TDRD12: variants seen among roughly 807,000 people sequenced by gnomAD.
TDRD12 encodes the protein tudor domain containing 12, also known as putative ATP-dependent RNA helicase TDRD12.
TDRD12 carries 158 observed loss-of-function variants against 133.5 expected under a neutral mutation model. That is an observed-to-expected ratio of 1.18 (90% CI 1.04 to 1.35). The LOEUF (loss-of-function observed/expected upper bound fraction) is 1.35, where lower values mean the gene tolerates loss of function less well. Ranked by LOEUF, TDRD12 falls within the 40% of genes most tolerant of loss-of-function variation. TDRD12 has a pLI of 0.00. For synonymous variants in TDRD12, 460 were observed against 477.9 expected, an observed-to-expected ratio of 0.96 and a Z score of 0.49; for missense variants, 1,443 against 1,321.3, an observed-to-expected ratio of 1.09 and a Z score of -1.43.
At chr19:32,822,789 G>A (rs1207926951), downstream of TDRD12, among the ~76,000 whole-genome samples, 1 of 151,900 alleles carries the variant, frequency 6.6e-6, no homozygotes, top group African/African-American at 2.4e-5. Flanking sequence ...GCCCCTTGTG[G>A]AAGGAGAATT....
At chr19:32,817,688 C>G (rs1293397862) in intron 26 of TDRD12, among the ~76,000 whole-genome samples, 2 of 151,666 alleles carry the variant, frequency 1.3e-5, no homozygotes, top group African/African-American at 4.8e-5. Context: ...CATCCAGGTT[C>G]CGCAGCAGCT....
intron 27 of TDRD12, among the ~76,000 whole-genome samples, 199 bp from the exon 28 acceptor site, chr19:32,820,834 G>A (rs1270500836): frequency 6.6e-6 from 1 of 152,182 alleles, no homozygotes; most frequent in East Asian, 1.9e-4. Flanking sequence ...TGTCAGTCAT[G>A]CACTGTGTGC....
chr19:32,726,593 C>T (rs544034817), intron 1 of TDRD12, among the ~76,000 whole-genome samples: 2 of 152,138 alleles, frequency 1.3e-5, no homozygotes, highest in East Asian at 3.9e-4. Flanking sequence ...TCAGAATTTC[C>T]TTTCTTTTGA....
downstream of TDRD12, chr19:32,821,355 G>T: frequency 3.5e-6 from 2 of 566,824 alleles, no homozygotes; most frequent in South Asian, 2.1e-5. Context: ...GATGTTAAGT[G>T]AACAGCTCAG....
chr19:32,789,278 T>C (rs1970999861), intron 11 of TDRD12, among the ~76,000 whole-genome samples: 1 of 152,248 alleles, frequency 6.6e-6, no homozygotes, highest in Non-Finnish European at 1.5e-5. Context: ...TCCAACATTC[T>C]GTTCTGGAAT....
chr19:32,780,944 CT>C (rs11383637), intron 11 of TDRD12, among the ~76,000 whole-genome samples: 123 of 126,738 alleles, frequency 9.7e-4, no homozygotes, highest in South Asian at 1.8e-3. Context: ...TTTAATCTAT[CT>C]TTTTTTTTTT....
rs369714751 is a variant in TDRD12 at position 32,724,925 on chromosome 19, G to A, written c.24+4829G>A. Among the ~76,000 whole-genome samples, 5 of 152,258 alleles carry A rather than the reference G, an allele frequency of 3.3e-5. No homozygotes were observed. In the South Asian group the frequency reaches 8.3e-4, roughly 25 times the overall value. On this transcript the variant is annotated intron_variant, in intron 1 of 27. Transcript: ENST00000444215. ...TTGCCATTCTGACTGGCATGAGATG[G>A]TATCTCATTGTGGTTTTGATTTGCA...
chr19:32,754,775 C>T lies in TDRD12; in HGVS notation c.583-1217C>T, dbSNP rs536259727. 1.5e-4 allele frequency among the ~76,000 whole-genome samples: 23 copies of T among 149,146 alleles called. 1 individual carries two copies. The South Asian group carries it at 4.9e-3, about 32-fold the overall frequency. ...CACCGCAACCTCTGCCTCCTGGGTT[C>T]CAGTAATTATCCAGCCTCAGCCTTC... is the stretch of plus-strand genomic sequence containing the variant. On this transcript the variant is annotated intron_variant, in intron 6 of 27. Coordinates refer to ENST00000444215, the Ensembl canonical transcript of TDRD12.
chr19:32,731,670 G>A (rs985853941), intron 1 of TDRD12, 55 bp from the exon 2 acceptor site: 1 of 1,408,506 alleles, frequency 7.1e-7, no homozygotes, highest in Non-Finnish European at 9.3e-7. Context: ...AGTTTATTTT[G>A]TGGTACTACT....
Position 32,794,482 on chromosome 19 carries a change from G to C in TDRD12, c.1288-146G>C, listed in dbSNP as rs1971165527. 2.0e-5 allele frequency: 12 copies of C among 597,134 alleles called. No homozygotes were observed. The South Asian group carries it at 2.3e-4, about 11-fold the overall frequency. The allele number at this position is 597,134 out of a possible 1,614,324, so 37.0% of individuals were successfully genotyped here. On this transcript the variant is annotated intron_variant, in intron 13 of 27. Coordinates refer to ENST00000444215, the Ensembl canonical transcript of TDRD12. Reference sequence around the variant, plus strand: ...TAATAGGAGGTTGGTACTGAGAAAAGATTTGGGGAAACTTAACAAGTTAGG... The same window carrying C: ...TAATAGGAGGTTGGTACTGAGAAAACATTTGGGGAAACTTAACAAGTTAGG...
intron 1 of TDRD12, among the ~76,000 whole-genome samples, 182 bp from the exon 2 acceptor site, chr19:32,731,540 GAAT>G (rs1287430001): frequency 1.3e-5 from 2 of 152,150 alleles, no homozygotes; most frequent in African/African-American, 4.8e-5. Flanking sequence ...ACATAATTGA[GAAT>G]TACATACTGT....
At chr19:32,762,309 T>G (rs1247101894) in intron 8 of TDRD12, among the ~76,000 whole-genome samples, 1 of 152,190 alleles carries the variant, frequency 6.6e-6, no homozygotes, top group Admixed American at 6.5e-5. Context: ...TCTAGGAGTT[T>G]TGTATTTTGC....
chr19:32,779,970 C>A (rs920929926), intron 11 of TDRD12, among the ~76,000 whole-genome samples: 2 of 152,126 alleles, frequency 1.3e-5, no homozygotes, highest in Admixed American at 1.3e-4. Context: ...CTGTGATATT[C>A]ATTCTTTATT....
exon 3 of TDRD12, chr19:32,738,951 C>T (rs1037250670): frequency 1.9e-6 from 3 of 1,550,814 alleles, no homozygotes; most frequent in African/African-American, 2.7e-5. Flanking sequence ...CAGAATGTTT[C>T]CTTGTGGACT....
chr19:32,745,641 G>A (rs1403707710), intron 4 of TDRD12, among the ~76,000 whole-genome samples: 1 of 152,140 alleles, frequency 6.6e-6, no homozygotes, highest in Non-Finnish European at 1.5e-5. Context: ...GAGAGAGAGA[G>A]AATGGCTGAT....
chr19:32,738,749 A>G (rs1969300543), intron 2 of TDRD12, 107 bp from the exon 3 acceptor site: 1 of 1,199,586 alleles, frequency 8.3e-7, no homozygotes, highest in Non-Finnish European at 1.1e-6. Context: ...GGAGGTGGAG[A>G]TTGCAGTGAG....
intron 16 of TDRD12, among the ~76,000 whole-genome samples, chr19:32,799,878 G>T (rs550442148): frequency 3.3e-5 from 5 of 151,564 alleles, no homozygotes; most frequent in Non-Finnish European, 5.9e-5. Flanking sequence ...GGGATTACAG[G>T]TGCACACCAC....
chr19:32,797,924 A>ATTCT lies in TDRD12; in HGVS notation c.1630+33_1630+34insTTCT. ...TCCTTTTCAAGCGGCTATAAAAGTTAAAGTATCCTTTTCACTGTCTTCCCT... is the reference window on the plus strand; with the variant it reads ...TCCTTTTCAAGCGGCTATAAAAGTTATTCTAAGTATCCTTTTCACTGTCTTCCCT... On this transcript the variant is annotated intron_variant, in intron 15 of 27. Coordinates refer to ENST00000444215, the Ensembl canonical transcript of TDRD12. The ATTCT allele has an allele frequency of 4.5e-6, 3 of 667,468 alleles. No individual in the cohort carries two copies. In the South Asian group the frequency reaches 4.9e-5, roughly 11 times the overall value. 41.3% of individuals were successfully genotyped at this position (667,468 alleles called of 1,614,324 possible).
intron 13 of TDRD12, among the ~76,000 whole-genome samples, chr19:32,792,958 C>T (rs554132646): frequency 1.3e-4 from 20 of 152,204 alleles, no homozygotes; most frequent in Admixed American, 1.1e-3. Context: ...GAGGCTGAGG[C>T]GCAGATTGCC....
Sources: allele counts gnomAD v4.1 joint callset (sites outside exome capture counted in the v4.1 genomes callset), GRCh38; gene constraint gnomAD v4.1.1; transcripts MANE v1.5; gene names NCBI Gene and HGNC (gene_info 2026-07-23, HGNC 2026-07-21).